Variants in PPARGC1A observed in about 807,000 individuals in gnomAD.
PPARGC1A encodes PPARG coactivator 1 alpha.
In PPARGC1A, 25 loss-of-function variants were observed where a neutral mutation model predicts 88.7. The ratio of observed to expected loss-of-function variants is 0.28; its 90% CI spans 0.21 to 0.39. The LOEUF (loss-of-function observed/expected upper bound fraction) is 0.39, where lower values mean the gene tolerates loss of function less well. Ranked by LOEUF, PPARGC1A falls within the 10% of genes least tolerant of loss-of-function variation. The probability of loss-of-function intolerance (pLI) is 1.00; values close to 1 mark genes in which losing one functional copy is unlikely to be tolerated. For missense variants in PPARGC1A, 880 were observed against 968.7 expected (o/e 0.91, Z 1.22); for synonymous variants, 363 against 355.6 (o/e 1.02, Z -0.24).
chr4:23,884,336 G>C (rs1016907163), intron 2 of PPARGC1A: 2 of 194,106 alleles, frequency 1.0e-5, no homozygotes, highest in African/African-American at 4.6e-5. Context: ...AACAAAGGTA[G>C]ACATCTACCC....
At chr4:24,449,520 TC>T in the PPARGC1A span, among the ~76,000 whole-genome samples, 3 of 152,218 alleles carry the variant, frequency 2.0e-5, no homozygotes, top group African/African-American at 7.2e-5. Flanking sequence ...GATTATAAAT[TC>T]CATCAAAGCC....
chr4:24,037,013 T>A, the PPARGC1A span, among the ~76,000 whole-genome samples: 11 of 152,344 alleles, frequency 7.2e-5, no homozygotes, highest in East Asian at 7.7e-4. Flanking sequence ...AGCTTAAATG[T>A]GTTATGATGA....
the PPARGC1A span, among the ~76,000 whole-genome samples, chr4:24,329,172 T>C: frequency 2.0e-4 from 30 of 152,102 alleles, no homozygotes; most frequent in Non-Finnish European, 1.5e-4. Context: ...TTATTGCTGA[T>C]TGGGGATAAA....
At chr4:24,160,227 C>T in the PPARGC1A span, among the ~76,000 whole-genome samples, 1 of 152,212 alleles carries the variant, frequency 6.6e-6, no homozygotes, top group South Asian at 2.1e-4. Context: ...CACAAATATT[C>T]ATCGAGAACT....
chr4:23,974,021 T>C, the PPARGC1A span, among the ~76,000 whole-genome samples: 2 of 152,058 alleles, frequency 1.3e-5, no homozygotes, highest in African/African-American at 4.8e-5. Context: ...TTGAAGATTA[T>C]TGGAGATCAA....
chr4:23,988,087 T>C, the PPARGC1A span, among the ~76,000 whole-genome samples: 2 of 152,090 alleles, frequency 1.3e-5, no homozygotes, highest in East Asian at 3.9e-4. Context: ...GTTTCCAGCT[T>C]CATCCTTGTC....
the PPARGC1A span, among the ~76,000 whole-genome samples, chr4:24,411,210 C>T: frequency 2.0e-5 from 3 of 152,094 alleles, 1 homozygote; most frequent in Middle Eastern, 3.2e-3. Context: ...CTCAGGACAC[C>T]CCAGGAGGAA....
At chr4:24,170,379 G>A in the PPARGC1A span, among the ~76,000 whole-genome samples, 1 of 152,186 alleles carries the variant, frequency 6.6e-6, no homozygotes, top group African/African-American at 2.4e-5. Flanking sequence ...TAAAGTATCT[G>A]TTGGAGCCTC....
chr4:23,906,620 AAAAAAAAG>A (rs1720079574), upstream of PPARGC1A, among the ~76,000 whole-genome samples: 8 of 151,978 alleles, frequency 5.3e-5, no homozygotes, highest in South Asian at 1.7e-3. Flanking sequence ...AAAAAAAAAA[AAAAAAAAG>A]AAGATATTTT....
At chr4:24,105,294 C>T in the PPARGC1A span, among the ~76,000 whole-genome samples, 1 of 152,194 alleles carries the variant, frequency 6.6e-6, no homozygotes, top group South Asian at 2.1e-4. Flanking sequence ...AGCAAATACA[C>T]AACCTTGAAA....
chr4:24,264,083 G>A, the PPARGC1A span, among the ~76,000 whole-genome samples: 1 of 151,932 alleles, frequency 6.6e-6, no homozygotes, highest in Non-Finnish European at 1.5e-5. Flanking sequence ...CTTGTCTCTA[G>A]CTTACCTTAT....
At chr4:23,982,034 C>G in the PPARGC1A span, among the ~76,000 whole-genome samples, 3 of 152,112 alleles carry the variant, frequency 2.0e-5, no homozygotes, top group Non-Finnish European at 4.4e-5. Context: ...TCACACACAT[C>G]AAGAAAATGA....
intron 2 of PPARGC1A, chr4:23,877,692 A>G (rs1172433712): frequency 2.0e-5 from 3 of 152,192 alleles, no homozygotes; most frequent in Non-Finnish European, 4.4e-5. Flanking sequence ...GAATAGGCAC[A>G]TAATTATAGG....
intron 2 of PPARGC1A, among the ~76,000 whole-genome samples, chr4:23,852,847 G>C (rs1729545855): frequency 6.6e-6 from 1 of 152,002 alleles, no homozygotes; most frequent in African/African-American, 2.4e-5. Context: ...ACATGACCCA[G>C]ACAGGCATAT....
chr4:24,258,179 A>G, the PPARGC1A span: 2 of 958,032 alleles, frequency 2.1e-6, no homozygotes, highest in Non-Finnish European at 2.5e-6. Flanking sequence ...AGAAAATAAC[A>G]TGACAATAAT....
the PPARGC1A span, among the ~76,000 whole-genome samples, chr4:24,399,301 C>T: frequency 6.6e-6 from 1 of 152,184 alleles, no homozygotes; most frequent in Non-Finnish European, 1.5e-5. Flanking sequence ...TACCAGAATA[C>T]CTGGGCAACC....
chr4:24,287,634 G>GCGCACACA, the PPARGC1A span, among the ~76,000 whole-genome samples: 100 of 142,146 alleles, frequency 7.0e-4, no homozygotes, highest in African/African-American at 2.5e-3. Flanking sequence ...AACACCACAT[G>GCGCACACA]CACACACACA....
chr4:24,421,569 C>T, the PPARGC1A span, among the ~76,000 whole-genome samples: 2 of 152,140 alleles, frequency 1.3e-5, no homozygotes, highest in Non-Finnish European at 2.9e-5. Flanking sequence ...CCTCCGCCTC[C>T]CAAAGTGCTG....
At chr4:24,380,511 G>A in the PPARGC1A span, among the ~76,000 whole-genome samples, 2 of 149,968 alleles carry the variant, frequency 1.3e-5, no homozygotes, top group South Asian at 2.1e-4. Context: ...AGATGATACT[G>A]GGAAAGGAGG....
Sources: gnomAD v4.1 joint callset for allele counts (sites outside exome capture counted in the v4.1 genomes callset) on GRCh38, gnomAD v4.1.1 for gene constraint, MANE v1.5 for transcripts, NCBI Gene and HGNC (gene_info 2026-07-23, HGNC 2026-07-21) for gene names.